The following CREB5 variants were observed in gnomAD, a reference collection of about 807,000 sequenced individuals.
The protein encoded by CREB5 is cyclic AMP-responsive element-binding protein 5.
CREB5 carries 19 observed loss-of-function variants against 57.1 expected under a neutral mutation model. The observed-to-expected ratio is 0.33, with a 90% CI of 0.23 to 0.49. CREB5 has a LOEUF of 0.49. CREB5 is among the 20% of genes least tolerant of loss of function. The pLI is 0.99. For missense variants in CREB5, 579 were observed against 671.6 expected, an observed-to-expected ratio of 0.86 and a Z score of 1.52; for synonymous variants, 238 against 238.3, an observed-to-expected ratio of 1.00 and a Z score of 0.01.
intron 1 of CREB5, among the ~76,000 whole-genome samples, chr7:28,403,721 C>T (rs962436171): frequency 7.2e-5 from 11 of 152,128 alleles, no homozygotes; most frequent in Non-Finnish European, 1.3e-4. Flanking sequence ...GTGGGCAGCA[C>T]CTGACACATA....
At chr7:28,421,894 C>T (rs1788277202) in intron 1 of CREB5, among the ~76,000 whole-genome samples, 2 of 130,628 alleles carry the variant, frequency 1.5e-5, no homozygotes, top group Non-Finnish European at 3.3e-5. Flanking sequence ...TATAAAATAC[C>T]ATATATATAG....
At chr7:28,696,964 CAT>C (rs1257139380) in intron 5 of CREB5, among the ~76,000 whole-genome samples, 4 of 151,174 alleles carry the variant, frequency 2.6e-5, no homozygotes, top group Non-Finnish European at 4.4e-5. Context: ...GTTATACACA[CAT>C]ATATATATTT....
rs932748405 is a variant in CREB5, at chr7:28,334,181, G to A, written c.-25+34740G>A. 9.9e-5 allele frequency among the ~76,000 whole-genome samples: 15 copies of A among 152,274 alleles called. 1 individual carries two copies. The South Asian group carries it at 3.1e-3, about 32-fold the overall frequency. On this transcript the variant is annotated intron_variant, in intron 1 of 9. Coordinates refer to the CREB5 transcript ENST00000396299. Reference sequence around the variant, plus strand: ...TTTTTGTTTGATTGTTTGAGATGGAGTTTCACTCTTGTTGCCCAGGCTGGA... The same window carrying A: ...TTTTTGTTTGATTGTTTGAGATGGAATTTCACTCTTGTTGCCCAGGCTGGA...
chr7:28,620,697 C>A (rs1315055441), intron 5 of CREB5, among the ~76,000 whole-genome samples: 1 of 152,148 alleles, frequency 6.6e-6, no homozygotes, highest in Admixed American at 6.5e-5. Flanking sequence ...TCCAGAGCCG[C>A]TACGGTCAAA....
intron 5 of CREB5, among the ~76,000 whole-genome samples, chr7:28,705,472 T>G (rs1421531767): frequency 6.6e-6 from 1 of 152,108 alleles, no homozygotes; most frequent in Non-Finnish European, 1.5e-5. Flanking sequence ...GCATAATGTT[T>G]TGCATGTTCT....
At chr7:28,365,303 G>C (rs780107441) in intron 1 of CREB5, among the ~76,000 whole-genome samples, 1 of 152,002 alleles carries the variant, frequency 6.6e-6, no homozygotes, top group Non-Finnish European at 1.5e-5. Context: ...TGGTACTGGC[G>C]TCTATACCCA....
At chr7:28,712,777 G>T (rs141106114) in intron 5 of CREB5, among the ~76,000 whole-genome samples, 1 of 151,478 alleles carries the variant, frequency 6.6e-6, no homozygotes, top group African/African-American at 2.4e-5. Context: ...CAAGCAATCC[G>T]CCTGTCTCGT....
At chr7:28,368,044 T>C (rs897830137) in intron 1 of CREB5, among the ~76,000 whole-genome samples, 20 of 152,186 alleles carry the variant, frequency 1.3e-4, no homozygotes, top group African/African-American at 4.8e-4. Context: ...CTTTTCATAT[T>C]GTCAGTTGGA....
intron 5 of CREB5, among the ~76,000 whole-genome samples, chr7:28,607,771 G>C (rs1797201816): frequency 6.7e-6 from 1 of 150,198 alleles, no homozygotes; most frequent in Non-Finnish European, 1.5e-5. Flanking sequence ...GTGTGTGTGT[G>C]TGTGTGTGTG....
At chr7:28,465,430 T>C (rs1790522811) in intron 1 of CREB5, among the ~76,000 whole-genome samples, 1 of 152,208 alleles carries the variant, frequency 6.6e-6, no homozygotes, top group African/African-American at 2.4e-5. Flanking sequence ...GCAATATTCT[T>C]GTATTTATAT....
chr7:28,560,938 G>GTGCA (rs1795200222), intron 4 of CREB5, among the ~76,000 whole-genome samples: 3 of 40,420 alleles, frequency 7.4e-5, no homozygotes, highest in African/African-American at 3.8e-4. Context: ...GCGTGTGTGC[G>GTGCA]TGCGTGTGTG....
intron 5 of CREB5, among the ~76,000 whole-genome samples, chr7:28,634,165 A>G (rs1393997122): frequency 6.6e-6 from 1 of 152,164 alleles, no homozygotes; most frequent in African/African-American, 2.4e-5. Context: ...TTTCCACACA[A>G]ATTTCATTTG....
At chr7:28,615,520 A>G (rs1247001447) in intron 5 of CREB5, 2 of 152,362 alleles carry the variant, frequency 1.3e-5, no homozygotes, top group African/African-American at 4.8e-5. Context: ...GGCCTTGCCC[A>G]TGACAGCAGC....
intron 5 of CREB5, among the ~76,000 whole-genome samples, chr7:28,645,782 C>A (rs938528829): frequency 3.9e-5 from 6 of 152,144 alleles, no homozygotes; most frequent in Admixed American, 3.3e-4. Context: ...GCCCAGATAG[C>A]TGATAAAGTA....
In CREB5 at chr7:28,682,839, A is replaced by C. The variant is rs139063071; in HGVS notation, c.465-35914A>C. On this transcript the variant is annotated intron_variant, in intron 5 of 10. Coordinates refer to ENST00000357727, the MANE Select transcript of CREB5 (RefSeq NM_182898.4). Reference sequence around the variant, plus strand: ...TGAGCCCCTCCATCCCTGCAATCCAAGTTGTGCCTTTTCTATTGGGTTATT... The same window carrying C: ...TGAGCCCCTCCATCCCTGCAATCCACGTTGTGCCTTTTCTATTGGGTTATT... Among the ~76,000 whole-genome samples, 171 of 152,276 alleles carry C rather than the reference A, an allele frequency of 1.1e-3. 1 individual carries two copies. Among genetic ancestry groups the C allele is most frequent in the African/African-American group, 3.8e-3 (159 of 41,554 alleles).
At chr7:28,802,486 T>G (rs1365524445) in intron 7 of CREB5, among the ~76,000 whole-genome samples, 1 of 152,218 alleles carries the variant, frequency 6.6e-6, no homozygotes, top group African/African-American at 2.4e-5. Flanking sequence ...AACTGTTTCC[T>G]TGCCCAGCAA....
At chr7:28,645,666 C>T (rs1373441836) in intron 5 of CREB5, among the ~76,000 whole-genome samples, 1 of 152,154 alleles carries the variant, frequency 6.6e-6, no homozygotes, top group Non-Finnish European at 1.5e-5. Flanking sequence ...CTGGTATGTA[C>T]TAGGAGATAA....
At chr7:28,794,058 A>G (rs756319885) in intron 7 of CREB5, among the ~76,000 whole-genome samples, 6 of 152,246 alleles carry the variant, frequency 3.9e-5, no homozygotes, top group Non-Finnish European at 7.3e-5. Context: ...TTAATGCTGC[A>G]TTAGCATGGA....
chr7:28,503,076 C>T (rs927811699), intron 3 of CREB5, among the ~76,000 whole-genome samples: 10 of 152,196 alleles, frequency 6.6e-5, no homozygotes, highest in African/African-American at 2.2e-4. Context: ...TGATAGGAAG[C>T]GCTAAGAGTC....
Sources: gnomAD v4.1 joint callset for allele counts (sites outside exome capture counted in the v4.1 genomes callset) on GRCh38, gnomAD v4.1.1 for gene constraint, MANE v1.5 for transcripts, NCBI Gene and HGNC (gene_info 2026-07-23, HGNC 2026-07-21) for gene names.